The following FMN1 variants were observed in gnomAD, a reference collection of about 807,000 sequenced individuals.
FMN1 encodes the protein formin 1.
FMN1 carries 110 observed loss-of-function variants against 132.4 expected under a neutral mutation model. The observed-to-expected ratio is 0.83, with a 90% CI of 0.71 to 0.97. The LOEUF (loss-of-function observed/expected upper bound fraction) is 0.97, where lower values mean the gene tolerates loss of function less well. Ranked by LOEUF, FMN1 falls within the 50% of genes least tolerant of loss-of-function variation. The pLI is 0.00. For missense variants in FMN1, 1,792 were observed against 1,705.3 expected, an observed-to-expected ratio of 1.05 and a Z score of -0.90; for synonymous variants, 722 against 651.7, an observed-to-expected ratio of 1.11 and a Z score of -1.64.
At chr15:32,797,251 C>T (rs73384993) in intron 19 of FMN1, among the ~76,000 whole-genome samples, 3,386 of 152,200 alleles carry the variant, frequency 0.022, 56 homozygotes, top group African/African-American at 0.045. Context: ...CTCTGTTGGT[C>T]TTTTGTTTGT....
chr15:33,018,886 G>A (rs972178890), intron 6 of FMN1, among the ~76,000 whole-genome samples: 1 of 152,178 alleles, frequency 6.6e-6, no homozygotes, highest in Non-Finnish European at 1.5e-5. Flanking sequence ...CGATCCTCCG[G>A]TGGGTTCGTA....
intron 6 of FMN1, among the ~76,000 whole-genome samples, chr15:33,062,227 C>G (rs1042970998): frequency 1.3e-5 from 2 of 152,104 alleles, no homozygotes; most frequent in Non-Finnish European, 1.5e-5. Flanking sequence ...AAGCATTTAT[C>G]CTAAGATAAA....
intron 8 of FMN1, among the ~76,000 whole-genome samples, chr15:32,965,977 T>G (rs2031182267): frequency 6.6e-6 from 1 of 152,084 alleles, no homozygotes; most frequent in South Asian, 2.1e-4. Flanking sequence ...TCTGTGGTGC[T>G]GGGGGAGACG....
intron 16 of FMN1, among the ~76,000 whole-genome samples, chr15:32,876,637 G>A (rs1351588409): frequency 6.6e-6 from 1 of 152,176 alleles, no homozygotes; most frequent in African/African-American, 2.4e-5. Flanking sequence ...AAAGTGTATT[G>A]TTTAAAAAGT....
At chr15:33,114,841 G>A (rs913953073) in intron 4 of FMN1, among the ~76,000 whole-genome samples, 13 of 152,104 alleles carry the variant, frequency 8.5e-5, no homozygotes, top group African/African-American at 2.7e-4. Context: ...TTGACTTCTG[G>A]AAATTAACTT....
At chr15:32,789,686 T>C (rs1228170245) in intron 19 of FMN1, among the ~76,000 whole-genome samples, 2 of 152,074 alleles carry the variant, frequency 1.3e-5, no homozygotes, top group Non-Finnish European at 2.9e-5. Context: ...GGCCTTCAGA[T>C]TCACCCACCA....
intron 9 of FMN1, among the ~76,000 whole-genome samples, chr15:32,948,883 C>T (rs2061564868): frequency 6.6e-6 from 1 of 151,930 alleles, no homozygotes; most frequent in Non-Finnish European, 1.5e-5. Flanking sequence ...CAGAAAATTG[C>T]AAATATTTGA....
At chr15:33,019,752 C>G (rs1317695263) in intron 6 of FMN1, among the ~76,000 whole-genome samples, 1 of 152,242 alleles carries the variant, frequency 6.6e-6, no homozygotes, top group Non-Finnish European at 1.5e-5. Flanking sequence ...CGCGGCAGGG[C>G]CGGCAGGCCA....
intron 5 of FMN1, among the ~76,000 whole-genome samples, chr15:33,082,318 C>G (rs1399390122): frequency 3.3e-5 from 5 of 152,124 alleles, no homozygotes; most frequent in Non-Finnish European, 7.3e-5. Flanking sequence ...GGTGATCCAC[C>G]TGCCTCGGCC....
In FMN1 at chr15:32,908,479, A is replaced by G. The variant is rs1416558394; in HGVS notation, c.3377+11T>C. 1.3e-6 allele frequency: 2 copies of G among 1,578,288 alleles called. No individual in the cohort carries two copies. Among genetic ancestry groups the G allele is most frequent in the South Asian group, 1.1e-5 (1 of 90,194 alleles). The stretch of plus-strand genomic sequence containing the variant: ...CTTTTGGCCTAACAGAAAAATGTTA[A>G]GTATCCTTACTGCTCAGGTTTATCC... On this transcript the variant is annotated intron_variant, in intron 12 of 20. Transcript: ENST00000616417.
intron 9 of FMN1, among the ~76,000 whole-genome samples, chr15:32,960,940 A>G (rs2030444540): frequency 7.5e-6 from 1 of 133,152 alleles, no homozygotes; most frequent in South Asian, 2.9e-4. Context: ...GGTTGCAGTG[A>G]GCCGAGATCA....
intron 17 of FMN1, among the ~76,000 whole-genome samples, chr15:32,822,818 C>T (rs1596011705): frequency 6.6e-6 from 1 of 152,092 alleles, no homozygotes; most frequent in Non-Finnish European, 1.5e-5. Context: ...TCTTATAGTT[C>T]TCTGAGATTA....
intron 2 of FMN1, among the ~76,000 whole-genome samples, chr15:33,186,211 T>C (rs73382518): frequency 0.035 from 5,293 of 151,708 alleles, 344 homozygotes; most frequent in African/African-American, 0.12. Flanking sequence ...TAAGTCAAAA[T>C]CTATTTCCAT....
chr15:32,792,362 A>T (rs189089166), intron 19 of FMN1, among the ~76,000 whole-genome samples: 1 of 151,596 alleles, frequency 6.6e-6, no homozygotes, highest in African/African-American at 2.4e-5. Context: ...GGAGAATGGC[A>T]TGAACCCGGA....
intron 8 of FMN1, 33 bp downstream of exon 8, chr15:32,968,681 C>T (rs770235604): frequency 6.2e-7 from 1 of 1,610,454 alleles, no homozygotes; most frequent in Non-Finnish European, 8.5e-7. Context: ...CCTAGGAATT[C>T]ACATGCTGAG....
intron 17 of FMN1, chr15:32,811,032 T>C (rs2057858697): frequency 2.2e-6 from 1 of 456,370 alleles, no homozygotes; most frequent in African/African-American, 2.0e-5. Context: ...TCTTAGAAAA[T>C]CCCCGTTGTG....
chr15:32,858,622 T>C (rs1161455099), intron 16 of FMN1, among the ~76,000 whole-genome samples: 1 of 152,214 alleles, frequency 6.6e-6, no homozygotes, highest in Non-Finnish European at 1.5e-5. Flanking sequence ...CTGACAACCA[T>C]TCCAAGGCTA....
intron 5 of FMN1, among the ~76,000 whole-genome samples, chr15:33,083,032 G>A (rs769982707): frequency 6.6e-6 from 1 of 151,676 alleles, no homozygotes; most frequent in African/African-American, 2.4e-5. Flanking sequence ...GCTTGACCAG[G>A]ATTTGCAGGA....
At chr15:33,111,781 G>A (rs896336856) in intron 4 of FMN1, among the ~76,000 whole-genome samples, 14 of 152,234 alleles carry the variant, frequency 9.2e-5, no homozygotes, top group African/African-American at 3.4e-4. Context: ...AACTTGGGCT[G>A]GACGGGGTTG....
Sources: allele counts gnomAD v4.1 joint callset (sites outside exome capture counted in the v4.1 genomes callset), GRCh38; gene constraint gnomAD v4.1.1; transcripts MANE v1.5; gene names NCBI Gene and HGNC (gene_info 2026-07-23, HGNC 2026-07-21).